The following EBPL variants were observed in gnomAD, a reference collection of about 807,000 sequenced individuals.
The protein encoded by EBPL is EBP like.
Under a neutral mutation model 19.0 loss-of-function variants are expected in EBPL, and 20 were observed. That is an observed-to-expected ratio of 1.05 (90% CI 0.74 to 1.53). EBPL has a LOEUF of 1.53. EBPL is among the 40% of genes most tolerant of loss of function. The pLI, the probability that EBPL is intolerant of heterozygous loss-of-function variation, is 0.00. For synonymous variants in EBPL, 107 were observed against 117.0 expected, an observed-to-expected ratio of 0.91 and a Z score of 0.55; for missense variants, 219 against 261.1, an observed-to-expected ratio of 0.84 and a Z score of 1.11.
chr13:49,664,360 A>G (rs1965196189), intron 2 of EBPL, among the ~76,000 whole-genome samples: 1 of 152,180 alleles, frequency 6.6e-6, no homozygotes, highest in Non-Finnish European at 1.5e-5. Flanking sequence ...CGGAGTGGGC[A>G]GAGGGGCATC....
At chr13:49,691,198 G>A (rs1304914976) in intron 1 of EBPL, 56 bp downstream of exon 1, 3 of 1,266,824 alleles carry the variant, frequency 2.4e-6, no homozygotes, top group African/African-American at 3.1e-5. Context: ...CCGCCTTGCC[G>A]CCCCCGCTCC....
intron 1 of EBPL, 135 bp from the exon 2 acceptor site, chr13:49,669,981 T>G (rs1953793992): frequency 1.5e-6 from 1 of 689,374 alleles, no homozygotes; most frequent in Non-Finnish European, 2.5e-6. Context: ...CCTGGAAACA[T>G]CCATACAACC....
At chr13:49,689,759 C>A (rs910964555) in intron 1 of EBPL, among the ~76,000 whole-genome samples, 1 of 152,150 alleles carries the variant, frequency 6.6e-6, no homozygotes, top group African/African-American at 2.4e-5. Flanking sequence ...TTATGTTATA[C>A]ATTTTGTTAT....
chr13:49,664,872 T>C (rs1566312839), intron 2 of EBPL, among the ~76,000 whole-genome samples: 1 of 151,918 alleles, frequency 6.6e-6, no homozygotes, highest in Non-Finnish European at 1.5e-5. Context: ...AGGCACATGC[T>C]GAGGGAATGT....
chr13:49,689,872 G>A (rs1954040955), intron 1 of EBPL, among the ~76,000 whole-genome samples: 2 of 152,074 alleles, frequency 1.3e-5, no homozygotes, highest in African/African-American at 4.8e-5. Context: ...GGCTGGTGGC[G>A]GTGGCGGTGG....
At chr13:49,665,357 C>T (rs1390695463) in intron 2 of EBPL, among the ~76,000 whole-genome samples, 6 of 152,076 alleles carry the variant, frequency 3.9e-5, no homozygotes, top group Non-Finnish European at 7.4e-5. Context: ...CTGCAACCTC[C>T]GCCTCCCGTG....
intron 1 of EBPL, among the ~76,000 whole-genome samples, chr13:49,679,386 T>C (rs1305818066): frequency 6.6e-6 from 1 of 152,200 alleles, no homozygotes; most frequent in Non-Finnish European, 1.5e-5. Flanking sequence ...AAGGATCAGA[T>C]GAAAGGTGCC....
At chr13:49,666,886 TAAAAAAAAAAG>T (rs372622015) in intron 2 of EBPL, among the ~76,000 whole-genome samples, 2,359 of 140,140 alleles carry the variant, frequency 0.017, 47 homozygotes, top group African/African-American at 0.06. Flanking sequence ...GAGACTCTGT[TAAAAAAAAAAG>T]AAAAAAAAAA....
intron 1 of EBPL, chr13:49,686,728 C>A: frequency 2.3e-6 from 2 of 856,368 alleles, no homozygotes; most frequent in Non-Finnish European, 3.2e-6. Context: ...GAATTCCCAG[C>A]ACTCTCTCTT....
intron 1 of EBPL, among the ~76,000 whole-genome samples, chr13:49,679,339 A>C (rs1281839223): frequency 6.6e-6 from 1 of 152,178 alleles, no homozygotes; most frequent in East Asian, 1.9e-4. Context: ...ATCTGGAACT[A>C]AGATTCATGT....
intron 1 of EBPL, among the ~76,000 whole-genome samples, chr13:49,679,006 TA>T (rs71188373): frequency 3.7e-4 from 35 of 95,174 alleles, no homozygotes; most frequent in Non-Finnish European, 3.6e-4. Flanking sequence ...AGACTCCGTC[TA>T]AAAAAAAAAA....
At chr13:49,675,053 G>T (rs1953861577) in intron 1 of EBPL, among the ~76,000 whole-genome samples, 1 of 152,176 alleles carries the variant, frequency 6.6e-6, no homozygotes, top group Non-Finnish European at 1.5e-5. Flanking sequence ...TCGTGTAAGT[G>T]AAATGAGACC....
intron 2 of EBPL, among the ~76,000 whole-genome samples, chr13:49,665,863 GGAA>G (rs1371365874): frequency 2.0e-5 from 3 of 152,140 alleles, no homozygotes; most frequent in East Asian, 3.9e-4. Flanking sequence ...ATGAGGGCAG[GGAA>G]GAAGTGGCAC....
intron 2 of EBPL, among the ~76,000 whole-genome samples, chr13:49,668,828 A>G (rs1417481760): frequency 6.6e-6 from 1 of 152,104 alleles, no homozygotes; most frequent in African/African-American, 2.4e-5. Context: ...AAAGTATGGG[A>G]AAACCACCCA....
intron 1 of EBPL, among the ~76,000 whole-genome samples, chr13:49,678,686 G>A (rs1193773099): frequency 6.6e-6 from 1 of 151,944 alleles, no homozygotes; most frequent in Non-Finnish European, 1.5e-5. Context: ...CACAAGCAAA[G>A]GGAGCCGCTC....
At chr13:49,662,329 A>G (rs1414161241) in intron 3 of EBPL, among the ~76,000 whole-genome samples, 1 of 152,056 alleles carries the variant, frequency 6.6e-6, no homozygotes, top group Non-Finnish European at 1.5e-5. Flanking sequence ...ATCCTTCACA[A>G]TCTGCTTCTG....
chr13:49,678,655 G>A (rs1402152676), intron 1 of EBPL, among the ~76,000 whole-genome samples: 1 of 151,564 alleles, frequency 6.6e-6, no homozygotes, highest in East Asian at 2.0e-4. Context: ...TCTCGCCGGC[G>A]CCTCTCCCTC....
At chr13:49,663,251 T>C in intron 2 of EBPL, 56 bp from the exon 3 acceptor site, 1 of 1,600,048 alleles carries the variant, frequency 6.2e-7, no homozygotes, top group African/African-American at 1.3e-5. Context: ...TGACAGTTCA[T>C]GGAAATGACC....
chr13:49,676,636 G>C (rs1227620386), intron 1 of EBPL, among the ~76,000 whole-genome samples: 2 of 151,500 alleles, frequency 1.3e-5, no homozygotes, highest in African/African-American at 4.8e-5. Context: ...AAATAAGAAA[G>C]AAACCCCGGT....
Sources: allele counts gnomAD v4.1 joint callset (sites outside exome capture counted in the v4.1 genomes callset), GRCh38; gene constraint gnomAD v4.1.1; transcripts MANE v1.5; gene names NCBI Gene and HGNC (gene_info 2026-07-23, HGNC 2026-07-21).